Variants in DAB1 observed in about 807,000 individuals in gnomAD.
The protein encoded by DAB1 is disabled homolog 1.
DAB1 carries 15 observed loss-of-function variants against 64.6 expected under a neutral mutation model. That is an observed-to-expected ratio of 0.23 (90% CI 0.16 to 0.36). The LOEUF (loss-of-function observed/expected upper bound fraction) is 0.36. Among genes scored for constraint, DAB1 ranks in the 10% least tolerant of loss-of-function variants. The probability of loss-of-function intolerance (pLI) is 1.00; values close to 1 mark genes in which losing one functional copy is unlikely to be tolerated. For synonymous variants in DAB1, 235 were observed against 251.9 expected (o/e 0.93, Z 0.64); for missense variants, 596 against 706.7 (o/e 0.84, Z 1.78).
chr1:57,925,804 G>A (rs1263914986), intron 5 of DAB1, among the ~76,000 whole-genome samples: 1 of 152,148 alleles, frequency 6.6e-6, no homozygotes, highest in Admixed American at 6.5e-5. Flanking sequence ...GTGGAGGAGG[G>A]GGATGGAGGA....
chr1:57,128,891 G>T (rs899900835), intron 4 of DAB1, among the ~76,000 whole-genome samples: 1 of 152,132 alleles, frequency 6.6e-6, no homozygotes, highest in African/African-American at 2.4e-5. Context: ...GCCTGGAACT[G>T]GAAAGAACAT....
intron 2 of DAB1, among the ~76,000 whole-genome samples, chr1:57,237,898 A>G (rs1668209536): frequency 6.6e-6 from 1 of 152,176 alleles, no homozygotes; most frequent in African/African-American, 2.4e-5. Context: ...ATGGACATAA[A>G]ATTAATGGAG....
At chr1:58,457,906 C>T (rs901309112) in intron 3 of DAB1, among the ~76,000 whole-genome samples, 2 of 152,188 alleles carry the variant, frequency 1.3e-5, no homozygotes, top group African/African-American at 4.8e-5. Flanking sequence ...TACACATCAA[C>T]GCTCTGCCTG....
intron 14 of DAB1, among the ~76,000 whole-genome samples, chr1:57,009,911 T>C (rs902917594): frequency 2.0e-5 from 3 of 152,202 alleles, no homozygotes; most frequent in African/African-American, 4.8e-5. Flanking sequence ...TCTGAAGTGA[T>C]TTGGTGGCAA....
intron 3 of DAB1, among the ~76,000 whole-genome samples, chr1:58,387,183 A>G (rs1053957748): frequency 6.6e-6 from 1 of 152,264 alleles, no homozygotes; most frequent in Non-Finnish European, 1.5e-5. Flanking sequence ...ATTGGTGGCA[A>G]ACACTGCTGG....
intron 2 of DAB1, among the ~76,000 whole-genome samples, chr1:57,211,028 A>T (rs1197887547): frequency 6.6e-6 from 1 of 152,208 alleles, no homozygotes; most frequent in Non-Finnish European, 1.5e-5. Context: ...GGTGCATTTC[A>T]TTTTGTTTCT....
intron 3 of DAB1, among the ~76,000 whole-genome samples, chr1:58,389,083 C>G (rs1644456372): frequency 6.6e-6 from 1 of 152,160 alleles, no homozygotes; most frequent in South Asian, 2.1e-4. Flanking sequence ...GGTCATCAAT[C>G]CTTCATGAAA....
chr1:58,076,272 A>G (rs1337102306), intron 5 of DAB1, among the ~76,000 whole-genome samples: 3 of 152,192 alleles, frequency 2.0e-5, no homozygotes, highest in South Asian at 2.1e-4. Context: ...GAAAATGGAA[A>G]CATGTAGAGA....
intron 3 of DAB1, among the ~76,000 whole-genome samples, chr1:58,429,069 G>A (rs185111741): frequency 2.6e-5 from 4 of 152,290 alleles, no homozygotes; most frequent in Admixed American, 6.5e-5. Context: ...TTTACTATAT[G>A]TGAAATTAGA....
intron 5 of DAB1, among the ~76,000 whole-genome samples, chr1:58,057,091 C>T (rs1036484574): frequency 2.0e-5 from 3 of 152,078 alleles, no homozygotes; most frequent in Non-Finnish European, 4.4e-5. Flanking sequence ...CTCTGATTTT[C>T]CCCTCTGGCC....
intron 3 of DAB1, among the ~76,000 whole-genome samples, chr1:58,370,161 A>G (rs1476246991): frequency 1.3e-5 from 2 of 152,236 alleles, no homozygotes; most frequent in African/African-American, 4.8e-5. Flanking sequence ...ACAGCCATCA[A>G]TAGGGGAACG....
intron 1 of DAB1, among the ~76,000 whole-genome samples, chr1:57,410,191 A>G (rs1683996039): frequency 6.6e-6 from 1 of 152,244 alleles, no homozygotes; most frequent in African/African-American, 2.4e-5. Flanking sequence ...GTCTCAATGT[A>G]GAAAACTCTT....
At position 58,336,124 on chromosome 1, in the gene DAB1, G is replaced by A. The variant is rs571554552; in HGVS notation, n.309+7228C>T. ...TGTGTTTTCCACTGTGACATGCACG[G>A]GATCAGGCATGTAGTCAATGTTCAA... On this transcript the variant is annotated intron_variant and non_coding_transcript_variant, in intron 4 of 20. Transcript: ENST00000485760. Among the ~76,000 whole-genome samples, 9 of 152,288 alleles carry A rather than the reference G, an allele frequency of 5.9e-5. No homozygotes were observed. In the East Asian group the frequency reaches 1.7e-3, roughly 29 times the overall value.
chr1:57,546,000 T>A lies in DAB1; in HGVS notation n.625+103592A>T, dbSNP rs1644851727. Among the ~76,000 whole-genome samples the A allele has an allele frequency of 2.0e-5, 3 of 152,088 alleles. No homozygotes were observed. The South Asian group carries it at 6.2e-4, about 32-fold the overall frequency. ...AGTCCAGCTGGCAGAGGAGATGTGTTTCCAGGAGTGCTGTGGATGCTTCAG... is the reference window on the plus strand; with the variant it reads ...AGTCCAGCTGGCAGAGGAGATGTGTATCCAGGAGTGCTGTGGATGCTTCAG... On this transcript the variant is annotated intron_variant and non_coding_transcript_variant, in intron 7 of 20. Coordinates refer to the DAB1 transcript ENST00000485760.
chr1:57,688,209 T>C (rs1570738771), intron 6 of DAB1, among the ~76,000 whole-genome samples: 2 of 151,878 alleles, frequency 1.3e-5, no homozygotes, highest in Non-Finnish European at 2.9e-5. Flanking sequence ...TTTAAGGAAA[T>C]TAATTAGCAA....
intron 7 of DAB1, among the ~76,000 whole-genome samples, chr1:57,530,616 T>A (rs967630363): frequency 6.6e-5 from 10 of 151,962 alleles, no homozygotes; most frequent in Non-Finnish European, 1.5e-4. Context: ...GACAAAAATA[T>A]TACTTGGGGA....
At chr1:57,012,127 C>T (rs114787579) in intron 12 of DAB1, among the ~76,000 whole-genome samples, 1,761 of 152,242 alleles carry the variant, frequency 0.012, 34 homozygotes, top group African/African-American at 0.041. Context: ...TGGTTACTGG[C>T]TAAGACCCAA....
At chr1:57,856,835 G>A (rs79717968) in intron 1 of DAB1, among the ~76,000 whole-genome samples, 3,906 of 152,188 alleles carry the variant, frequency 0.026, 89 homozygotes, top group East Asian at 0.13. Flanking sequence ...GTCTCAATGG[G>A]GATGTGTTCA....
At chr1:57,806,491 G>A (rs1651369051) in intron 6 of DAB1, among the ~76,000 whole-genome samples, 1 of 152,146 alleles carries the variant, frequency 6.6e-6, no homozygotes, top group African/African-American at 2.4e-5. Context: ...GCAACGACTG[G>A]CCACAAACCC....
Sources: allele counts gnomAD v4.1 joint callset (sites outside exome capture counted in the v4.1 genomes callset), GRCh38; gene constraint gnomAD v4.1.1; transcripts MANE v1.5; gene names NCBI Gene and HGNC (gene_info 2026-07-23, HGNC 2026-07-21).